Variants in PDXDC1 observed in about 807,000 individuals in gnomAD.
PDXDC1 encodes pyridoxal dependent decarboxylase domain containing 1.
In PDXDC1, 42 loss-of-function variants were observed where a neutral mutation model predicts 100.1. That is an observed-to-expected ratio of 0.42 (90% CI 0.33 to 0.54). The LOEUF is 0.54. Among genes scored for constraint, PDXDC1 ranks in the 20% least tolerant of loss-of-function variants. PDXDC1 has a pLI of 0.10. For missense variants in PDXDC1, 636 were observed against 979.2 expected (o/e 0.65, Z 4.68); for synonymous variants, 260 against 371.7 (o/e 0.70, Z 3.46).
intron 16 of PDXDC1, chr16:15,076,702 A>G (rs766472162): frequency 1.5e-6 from 2 of 1,307,446 alleles, no homozygotes; most frequent in South Asian, 1.2e-5. Context: ...AAATACAACT[A>G]TGTTATTTTG....
intron 14 of PDXDC1, among the ~76,000 whole-genome samples, chr16:15,027,278 C>T (rs1302017174): frequency 4.6e-5 from 7 of 152,418 alleles, no homozygotes; most frequent in South Asian, 4.1e-4. Flanking sequence ...TTCAGTGCCC[C>T]GCTGCTGCTC....
intron 19 of PDXDC1, 127 bp from the exon 20 acceptor site, chr16:15,034,159 G>A (rs1192984098): frequency 3.4e-5 from 25 of 736,682 alleles, no homozygotes; most frequent in Middle Eastern, 3.8e-4. Context: ...TTCGTTTTAC[G>A]CCGGCTTTTC....
intron 16 of PDXDC1, chr16:15,104,616 C>T: frequency 6.3e-7 from 1 of 1,598,862 alleles, no homozygotes; most frequent in African/African-American, 1.3e-5. Context: ...TGTCTTGAGG[C>T]TCAGGGAGTT....
At chr16:15,128,488 G>A (rs1282329807) in intron 16 of PDXDC1, 37 of 713,228 alleles carry the variant, frequency 5.2e-5, no homozygotes, top group Non-Finnish European at 7.9e-5. Context: ...CGCACTCAAG[G>A]AGCCACACAG....
chr16:15,132,834 C>G (rs561674270), intron 16 of PDXDC1: 5 of 1,565,672 alleles, frequency 3.2e-6, no homozygotes, highest in African/African-American at 1.3e-5. Context: ...CGCTGCCGCT[C>G]GTGCTTGGGC....
intron 1 of PDXDC1, among the ~76,000 whole-genome samples, chr16:14,984,706 A>C (rs1968921351): frequency 6.6e-6 from 1 of 152,030 alleles, no homozygotes; most frequent in African/African-American, 2.4e-5. Flanking sequence ...CATGTTGGAC[A>C]GGCTGGTCTC....
At chr16:15,061,294 T>C (rs1381493623) in intron 16 of PDXDC1, 1 of 157,930 alleles carries the variant, frequency 6.3e-6, no homozygotes, top group Non-Finnish European at 1.4e-5. Context: ...CTAGTTAAAG[T>C]CTTTAAATAG....
chr16:15,036,208 T>C lies in PDXDC1; in HGVS notation c.2300T>C (p.Phe767Ser). 6.2e-7 allele frequency: 1 copy of C among 1,614,052 alleles called. No individual in the cohort carries two copies. The highest frequency in any genetic ancestry group is 8.5e-7 in the Non-Finnish European group (1 of 1,179,996). ...CAGCACACCGACCAGACCGAGGCCTTCCAGAAAGGGGTCCCACACCCAGAA... is the reference window on the plus strand; with the variant it reads ...CAGCACACCGACCAGACCGAGGCCTCCCAGAAAGGGGTCCCACACCCAGAA... ...SPQHTDQTEAFQKGVPHPEDD... is the reference protein window; with the variant it reads ...SPQHTDQTEASQKGVPHPEDD... The change falls in exon 23 of 23, where the codon TTC becomes TCC. Residue 767 changes from phenylalanine to serine, a missense_variant. Physicochemically the swap from Phe to Ser is radical, Grantham distance 155. Transcript: ENST00000396410.
intron 16 of PDXDC1, chr16:15,135,118 G>A (rs889187710): frequency 4.9e-5 from 32 of 647,574 alleles, no homozygotes; most frequent in African/African-American, 1.1e-4. Context: ...AGGTTTGGAA[G>A]GAAGCAAAGC....
chr16:15,136,657 G>A (rs1419515654), intron 16 of PDXDC1: 39 of 998,444 alleles, frequency 3.9e-5, no homozygotes, highest in Non-Finnish European at 5.8e-5. Context: ...CTGCTCCTGC[G>A]CCTGCAGCCA....
intron 13 of PDXDC1, 45 bp downstream of exon 13, chr16:15,022,799 G>A (rs2042305918): frequency 1.4e-6 from 2 of 1,449,312 alleles, no homozygotes; most frequent in Non-Finnish European, 9.5e-7. Flanking sequence ...AACTTTTTTT[G>A]AACCTCAGCA....
chr16:15,083,033 C>T (rs1026107803), intron 16 of PDXDC1, among the ~76,000 whole-genome samples: 8 of 152,190 alleles, frequency 5.3e-5, no homozygotes, highest in African/African-American at 1.9e-4. Flanking sequence ...CCCCAATAGC[C>T]GCTTTATAAG....
intron 16 of PDXDC1, among the ~76,000 whole-genome samples, chr16:15,070,710 T>C (rs546519600): frequency 1.3e-5 from 2 of 152,162 alleles, no homozygotes; most frequent in Admixed American, 1.3e-4. Context: ...CAAAGGTATC[T>C]TTATGGGCCA....
downstream of PDXDC1, chr16:15,041,616 G>C: frequency 1.2e-6 from 2 of 1,604,172 alleles, no homozygotes; most frequent in Non-Finnish European, 1.7e-6. Context: ...CAAATGGCAG[G>C]ACTTACCTGT....
chr16:15,084,696 G>T (rs1467913374), intron 16 of PDXDC1: 7 of 1,612,612 alleles, frequency 4.3e-6, no homozygotes, highest in South Asian at 2.2e-5. Context: ...GTCAAAATTT[G>T]CAGGAAGATC....
chr16:15,135,594 G>C (rs1458851527), intron 16 of PDXDC1: 3 of 1,383,238 alleles, frequency 2.2e-6, no homozygotes, highest in Non-Finnish European at 3.1e-6. Flanking sequence ...TGTTCTCTGG[G>C]CTCATGGGTG....
intron 16 of PDXDC1, among the ~76,000 whole-genome samples, chr16:15,126,395 C>T (rs2047729422): frequency 9.3e-6 from 1 of 107,808 alleles, no homozygotes; most frequent in African/African-American, 3.1e-5. Flanking sequence ...TGGTTCCTGC[C>T]ACGGACTCGG....
At chr16:15,005,363 G>A (rs536768349) in intron 5 of PDXDC1, among the ~76,000 whole-genome samples, 4 of 152,270 alleles carry the variant, frequency 2.6e-5, no homozygotes, top group Admixed American at 2.0e-4. Context: ...CTATGAAACT[G>A]AAATTTGTTT....
intron 18 of PDXDC1, 141 bp from the exon 19 acceptor site, chr16:15,033,137 C>G (rs1196460276): frequency 9.4e-7 from 1 of 1,058,234 alleles, no homozygotes; most frequent in African/African-American, 1.6e-5. Context: ...TGCAGCCTTG[C>G]CAGGCCTTTC....
Sources: gnomAD v4.1 joint callset for allele counts (sites outside exome capture counted in the v4.1 genomes callset) on GRCh38, gnomAD v4.1.1 for gene constraint, MANE v1.5 for transcripts, NCBI Gene and HGNC (gene_info 2026-07-23, HGNC 2026-07-21) for gene names.